Variants in STYXL2 observed in about 807,000 individuals in gnomAD.
The protein encoded by STYXL2 is serine/threonine/tyrosine-interacting-like protein 2.
In STYXL2, 44 loss-of-function variants were observed where a neutral mutation model predicts 52.4. The ratio of observed to expected loss-of-function variants is 0.84; its 90% CI spans 0.66 to 1.08. The LOEUF (loss-of-function observed/expected upper bound fraction) is 1.08. Ranked by LOEUF, STYXL2 falls within the 50% of genes least tolerant of loss-of-function variation. The pLI is 0.00. For synonymous variants in STYXL2, 604 were observed against 586.9 expected (o/e 1.03, Z -0.42); for missense variants, 1,604 against 1,471.7 (o/e 1.09, Z -1.47).
Position 167,117,511 on chromosome 1 carries a change from C to T in STYXL2, c.389C>T (p.Pro130Leu), listed in dbSNP as rs1423228693. Residue 130 changes from proline (P) to leucine (L), a missense_variant, in exon 4 of 6, where the codon CCC (proline) becomes CTC (leucine). By Grantham distance (98) the Pro-to-Leu change is moderately conservative (BLOSUM62 -3). Transcript: ENST00000361200. ...CTGGTTCAGGATCGCCAAGAGGCGC[C>T]CTGGAATGAGGTGGATGAGGTCTGG... ...RALVQDRQEA[P>L]WNEVDEVWPN... 4 of 1,610,610 alleles carry T rather than the reference C, an allele frequency of 2.5e-6. No individual in the cohort carries two copies. In the East Asian group the frequency reaches 6.7e-5, roughly 27 times the overall value.
chr1:167,124,017 A>G (rs910508934), intron 5 of STYXL2, among the ~76,000 whole-genome samples: 2 of 152,192 alleles, frequency 1.3e-5, no homozygotes, highest in Non-Finnish European at 2.9e-5. Flanking sequence ...TCCTGGGCTC[A>G]AGTGATCCTC....
In STYXL2 at chr1:167,103,647, T is replaced by C. The variant is rs1217240691; in HGVS notation, c.110+8688T>C. Among the ~76,000 whole-genome samples the C allele has an allele frequency of 2.0e-5, 3 of 152,194 alleles. No individual in the cohort carries two copies. The East Asian group carries it at 5.8e-4, about 29-fold the overall frequency. On this transcript the variant is annotated intron_variant, in intron 2 of 5. Transcript: ENST00000361200. Reference sequence around the variant, plus strand: ...AACCTAGCCACTATGAGTCACTCTCTGGAAGAAAATGGGCGGTTAGAGATT... The same window carrying C: ...AACCTAGCCACTATGAGTCACTCTCCGGAAGAAAATGGGCGGTTAGAGATT...
At chr1:167,098,868 G>T (rs891214612) in intron 2 of STYXL2, among the ~76,000 whole-genome samples, 1 of 152,186 alleles carries the variant, frequency 6.6e-6, no homozygotes, top group African/African-American at 2.4e-5. Flanking sequence ...TAAGATAGAT[G>T]TGTATTAATT....
chr1:167,103,371 T>C (rs1667441246), intron 2 of STYXL2, among the ~76,000 whole-genome samples: 1 of 152,156 alleles, frequency 6.6e-6, no homozygotes, highest in Non-Finnish European at 1.5e-5. Context: ...TTTTACTCTT[T>C]CCTGTGGAAC....
At chr1:167,098,507 C>T (rs554646149) in intron 2 of STYXL2, among the ~76,000 whole-genome samples, 1 of 152,112 alleles carries the variant, frequency 6.6e-6, no homozygotes, top group African/African-American at 2.4e-5. Flanking sequence ...CAAAAGTTAA[C>T]AAAGAATAAA....
chr1:167,126,354 AC>A lies in STYXL2; in HGVS notation c.1225del (p.Arg409GlyfsTer26), dbSNP rs1667965344. 1.9e-6 allele frequency: 3 copies of A among 1,541,296 alleles called. No homozygotes were observed. In the South Asian group the frequency reaches 3.7e-5, roughly 19 times the overall value. On this transcript the variant is annotated frameshift_variant, in exon 6 of 6. Coordinates refer to ENST00000361200, the MANE Select transcript of STYXL2 (RefSeq NM_001080426.3). LOFTEE classifies it low-confidence loss of function (END_TRUNC). Reference protein sequence around the residue: ...SRNERYQAEGYRRWGREEEKE... With the variant: ...SRNERYQAEGXRRWGREEEKE... Reference sequence around the variant, plus strand: ...AACGAGAGGTACCAAGCAGAAGGGTACCGGAGGTGGGGAAGGGAGGAGGAGA... The same window carrying A: ...AACGAGAGGTACCAAGCAGAAGGGTACGGAGGTGGGGAAGGGAGGAGGAGA...
Position 167,128,574 on chromosome 1 carries a change from C to A in STYXL2, c.3443C>A (p.Thr1148Asn). ...GCTTGGAGACGCCGGCAAGAAGAAA[C>A]CAGGACCAAGCTGCAGAAAAGGAGG... ...IAAWRRRQEE[T>N]RTKLQKRRED The change falls in exon 6 of 6, where the codon ACC becomes AAC. Residue 1148 changes from threonine (T) to asparagine (N), a missense_variant. By Grantham distance (65) the Thr-to-Asn change is moderately conservative. Transcript: ENST00000361200. 6 of 1,613,204 alleles carry A rather than the reference C, an allele frequency of 3.7e-6. No homozygotes were observed. The highest frequency in any genetic ancestry group is 5.1e-6 in the Non-Finnish European group (6 of 1,179,890).
At chr1:167,109,513 C>G (rs1343453208) in intron 2 of STYXL2, among the ~76,000 whole-genome samples, 1 of 152,116 alleles carries the variant, frequency 6.6e-6, no homozygotes, top group Non-Finnish European at 1.5e-5. Flanking sequence ...CCTCCATCCC[C>G]GACAGCAAGC....
At chr1:167,113,649 A>T in intron 2 of STYXL2, 61 bp from the exon 3 acceptor site, 1 of 1,302,322 alleles carries the variant, frequency 7.7e-7, no homozygotes, top group Non-Finnish European at 1.1e-6. Flanking sequence ...TTCTCATCTA[A>T]AAGAATGCCT....
rs142961691 is a variant in STYXL2, at chr1:167,098,522, T to G, written c.110+3563T>G. 2.9e-3 allele frequency among the ~76,000 whole-genome samples: 437 copies of G among 152,232 alleles called. 1 individual carries two copies. The highest frequency in any genetic ancestry group is 9.5e-3 in the African/African-American group (396 of 41,550). On this transcript the variant is annotated intron_variant, in intron 2 of 5. Transcript: ENST00000361200. ...CAAAAGTTAACAAAGAATAAAAAAT[T>G]TATACTACACTGTTTCAGTTACTAC...
rs1452989452 is a variant in STYXL2 at position 167,126,967 on chromosome 1, C to T, written c.1836C>T (p.Ser612=). The T allele has an allele frequency of 2.5e-6, 4 of 1,610,152 alleles. No homozygotes were observed. The highest frequency in any genetic ancestry group is 3.4e-6 in the Non-Finnish European group (4 of 1,178,204). The change falls in exon 6 of 6, where the codon AGC becomes AGT. Residue 612 remains serine, a synonymous_variant. Transcript: ENST00000361200. ...ACAAGGAGGAGGTGGTGGAGCTCAG[C>T]AAGGGGGAGGACTCGGCCTTGGCTA... is the stretch of plus-strand genomic sequence containing the variant. ...SENKEEVVEL[S]KGEDSALAKK...
chr1:167,120,887 CAGAG>C (rs66503516), intron 5 of STYXL2, among the ~76,000 whole-genome samples: 5 of 76,650 alleles, frequency 6.5e-5, no homozygotes, highest in Admixed American at 2.9e-4. Context: ...TATATATATA[CAGAG>C]AGAGAGAGAG....
intron 2 of STYXL2, among the ~76,000 whole-genome samples, chr1:167,111,466 GTACATATA>G (rs1163849043): frequency 5.1e-5 from 4 of 78,522 alleles, no homozygotes; most frequent in South Asian, 4.4e-4. Flanking sequence ...GGAAAATATG[GTACATATA>G]TATATATATA....
intron 5 of STYXL2, among the ~76,000 whole-genome samples, chr1:167,120,140 G>A (rs555594498): frequency 6.6e-6 from 1 of 152,206 alleles, no homozygotes; most frequent in Non-Finnish European, 1.5e-5. Flanking sequence ...AGAACAGACC[G>A]AGTTGGGAAG....
At position 167,117,344 on chromosome 1, in the gene STYXL2, G is replaced by A. The variant is rs748618592; in HGVS notation, c.222G>A (p.Gly74=). 2 of 1,609,434 alleles carry A rather than the reference G, an allele frequency of 1.2e-6. No individual in the cohort carries two copies. Among genetic ancestry groups the A allele is most frequent in the Non-Finnish European group, 8.5e-7 (1 of 1,178,018 alleles). ...CTCCTCTAGAACTCAAGCCACCGGGGGTCAGAGCAGACGCAGAGTGTCCAG... is the reference window on the plus strand; with the variant it reads ...CTCCTCTAGAACTCAAGCCACCGGGAGTCAGAGCAGACGCAGAGTGTCCAG... The part of the protein sequence containing the change: ...QIINEELKPP[G]VRADAECPGM... Residue 74 remains glycine (G), a synonymous_variant, in exon 4 of 6, where the codon GGG becomes GGA. Coordinates refer to ENST00000361200, the MANE Select transcript of STYXL2 (RefSeq NM_001080426.3).
chr1:167,111,469 CAT>C (rs776014246), intron 2 of STYXL2, among the ~76,000 whole-genome samples: 4,868 of 78,996 alleles, frequency 0.062, 88 homozygotes, highest in South Asian at 0.11. Flanking sequence ...AAATATGGTA[CAT>C]ATATATATAT....
intron 3 of STYXL2, among the ~76,000 whole-genome samples, chr1:167,114,707 CT>C (rs1667689585): frequency 6.6e-6 from 1 of 152,170 alleles, no homozygotes; most frequent in Admixed American, 6.5e-5. Flanking sequence ...GCTCACTGTT[CT>C]GGGCACTCTA....
chr1:167,094,740 G>T (rs569534679), intron 1 of STYXL2, 94 bp from the exon 2 acceptor site: 6 of 835,298 alleles, frequency 7.2e-6, no homozygotes, highest in South Asian at 6.6e-5. Context: ...CCTAGTCCTA[G>T]TTCCACTGAG....
intron 5 of STYXL2, among the ~76,000 whole-genome samples, chr1:167,120,279 G>A (rs373922251): frequency 5.3e-5 from 8 of 152,206 alleles, no homozygotes; most frequent in African/African-American, 1.9e-4. Context: ...CAGCCTGGCT[G>A]GGAAGAGTTG....
Sources: allele counts gnomAD v4.1 joint callset (sites outside exome capture counted in the v4.1 genomes callset), GRCh38; gene constraint gnomAD v4.1.1; transcripts MANE v1.5; gene names NCBI Gene and HGNC (gene_info 2026-07-23, HGNC 2026-07-21).